The following TENM3 variants were observed in gnomAD, a reference collection of about 807,000 sequenced individuals.
The protein encoded by TENM3 is teneurin-3.
TENM3 carries 63 observed loss-of-function variants against 255.1 expected under a neutral mutation model. The ratio of observed to expected loss-of-function variants is 0.25; its 90% CI spans 0.20 to 0.30. TENM3 has a LOEUF of 0.30. Among genes scored for constraint, TENM3 ranks in the 10% least tolerant of loss-of-function variants. TENM3 has a pLI of 1.00. For missense variants in TENM3, 2,929 were observed against 3,461.1 expected, an observed-to-expected ratio of 0.85 and a Z score of 3.86; for synonymous variants, 1,306 against 1,322.3, an observed-to-expected ratio of 0.99 and a Z score of 0.27.
the TENM3 span, among the ~76,000 whole-genome samples, chr4:181,886,575 A>G: frequency 9.9e-5 from 15 of 152,180 alleles, no homozygotes; most frequent in East Asian, 1.5e-3. Flanking sequence ...TATGTATTCT[A>G]CATATCTGAT....
chr4:181,839,304 CTCTG>C, the TENM3 span, among the ~76,000 whole-genome samples: 1 of 144,446 alleles, frequency 6.9e-6, no homozygotes, highest in African/African-American at 2.5e-5. Flanking sequence ...TATATCTTCT[CTCTG>C]TCTGTATGGG....
intron 13 of TENM3, among the ~76,000 whole-genome samples, 182 bp from the exon 14 acceptor site, chr4:182,728,783 A>G (rs1188207399): frequency 6.6e-6 from 1 of 152,146 alleles, no homozygotes; most frequent in Non-Finnish European, 1.5e-5. Flanking sequence ...ATTATGTGGC[A>G]TGTGACTATT....
chr4:182,025,919 G>A, the TENM3 span, among the ~76,000 whole-genome samples: 1 of 152,054 alleles, frequency 6.6e-6, no homozygotes, highest in African/African-American at 2.4e-5. Flanking sequence ...TCAGTTTGCT[G>A]CACCCATCAA....
intron 2 of TENM3, among the ~76,000 whole-genome samples, chr4:182,328,164 C>T (rs1318151064): frequency 1.3e-5 from 2 of 152,064 alleles, no homozygotes; most frequent in Admixed American, 6.5e-5. Flanking sequence ...TGAAGACTAC[C>T]ACTTATTCTT....
intron 4 of TENM3, among the ~76,000 whole-genome samples, chr4:182,619,269 T>TAC (rs879809393): frequency 0.18 from 27,146 of 151,474 alleles, 2,916 homozygotes; most frequent in Non-Finnish European, 0.24. Flanking sequence ...CTACTAAAAA[T>TAC]AATTAAAAAA....
At chr4:182,161,076 G>A (rs1330502996) in intron 1 of TENM3, among the ~76,000 whole-genome samples, 1 of 151,120 alleles carries the variant, frequency 6.6e-6, no homozygotes, top group Non-Finnish European at 1.5e-5. Context: ...GTCAGGAGTT[G>A]GAGACCAGCC....
At chr4:181,859,160 T>C in the TENM3 span, among the ~76,000 whole-genome samples, 1 of 146,394 alleles carries the variant, frequency 6.8e-6, no homozygotes, top group Non-Finnish European at 1.5e-5. Context: ...GGAGAATCAC[T>C]TGAACCCAGG....
chr4:182,785,514 C>A (rs925895278), intron 24 of TENM3, among the ~76,000 whole-genome samples: 4 of 151,324 alleles, frequency 2.6e-5, no homozygotes, highest in Admixed American at 1.3e-4. Flanking sequence ...TTGAGACCAG[C>A]CAGGGCAACA....
rs1311859025 is a variant in TENM3, at chr4:182,679,592, T to C, written c.1327-74T>C. 7 of 1,164,994 alleles carry C rather than the reference T, an allele frequency of 6.0e-6. No homozygotes were observed. In the South Asian group the frequency reaches 7.1e-5, roughly 12 times the overall value. The allele number at this position is 1,164,994 out of a possible 1,614,324, so 72.2% of individuals were successfully genotyped here. On this transcript the variant is annotated intron_variant, in intron 7 of 27. Coordinates refer to ENST00000511685, the MANE Select transcript of TENM3 (RefSeq NM_001080477.4). ...ATTTGTTAGAGCAAAGGAAGACAGA[T>C]TGAAGAGAAAAAAAAAAAGAGAGAA...
At chr4:181,625,581 G>A in the TENM3 span, among the ~76,000 whole-genome samples, 1 of 152,084 alleles carries the variant, frequency 6.6e-6, no homozygotes, top group Non-Finnish European at 1.5e-5. Flanking sequence ...TGGAGGCCAA[G>A]GCATGCTGAT....
chr4:182,473,993 A>T (rs1174263631), intron 3 of TENM3, among the ~76,000 whole-genome samples: 3 of 152,146 alleles, frequency 2.0e-5, no homozygotes, highest in African/African-American at 4.8e-5. Context: ...ATAAAATTGT[A>T]TTGGAAATGT....
the TENM3 span, among the ~76,000 whole-genome samples, chr4:181,693,464 C>A: frequency 6.6e-6 from 1 of 152,142 alleles, no homozygotes; most frequent in Non-Finnish European, 1.5e-5. Flanking sequence ...GTGCCTGGTG[C>A]ATTGTCATCA....
the TENM3 span, among the ~76,000 whole-genome samples, chr4:182,102,537 T>C: frequency 1.3e-5 from 2 of 152,186 alleles, no homozygotes; most frequent in African/African-American, 4.8e-5. Context: ...TCTCATCTTA[T>C]CAAATGACAA....
chr4:182,694,412 C>T (rs911532851), intron 12 of TENM3, among the ~76,000 whole-genome samples: 1 of 152,064 alleles, frequency 6.6e-6, no homozygotes, highest in Non-Finnish European at 1.5e-5. Flanking sequence ...CCGCACCCAG[C>T]CGAGAGTTGT....
chr4:182,030,677 G>T, the TENM3 span, among the ~76,000 whole-genome samples: 1 of 152,100 alleles, frequency 6.6e-6, no homozygotes, highest in African/African-American at 2.4e-5. Context: ...CACAATGGTT[G>T]AACAAATTTA....
Position 182,753,534 on chromosome 4 carries a change from C to T in TENM3, c.3947C>T (p.Thr1316Ile). The stretch of plus-strand genomic sequence containing the variant: ...GTTGACCAAAATGGAATCATATCAA[C>T]TCTTCTGGGCTCTAACGATTTGACT... ...RKVDQNGIISTLLGSNDLTSA... is the reference protein window; with the variant it reads ...RKVDQNGIISILLGSNDLTSA... Residue 1316 changes from threonine (T) to isoleucine (I), a missense_variant, in exon 21 of 28, where the codon ACT becomes ATT. Coordinates refer to ENST00000511685, the MANE Select transcript of TENM3 (RefSeq NM_001080477.4). 3 of 1,613,912 alleles carry T rather than the reference C, an allele frequency of 1.9e-6. No homozygotes were observed. Among genetic ancestry groups the T allele is most frequent in the East Asian group, 2.2e-5 (1 of 44,870 alleles).
chr4:181,781,677 G>A, the TENM3 span, among the ~76,000 whole-genome samples: 137 of 152,268 alleles, frequency 9.0e-4, 1 homozygote, highest in Admixed American at 2.9e-3. Context: ...TGGTGAGAGA[G>A]GGCATCCCTG....
the TENM3 span, among the ~76,000 whole-genome samples, chr4:181,487,710 G>T: frequency 8.6e-5 from 13 of 152,046 alleles, no homozygotes; most frequent in Admixed American, 8.5e-4. Context: ...AAGCATCTCT[G>T]GATATCTGAC....
intron 1 of TENM3, among the ~76,000 whole-genome samples, chr4:182,294,695 T>G (rs1761351669): frequency 1.3e-5 from 2 of 152,234 alleles, no homozygotes; most frequent in African/African-American, 4.8e-5. Context: ...GCTGCTGTAC[T>G]ACTGACCACG....
Sources: allele counts gnomAD v4.1 joint callset (sites outside exome capture counted in the v4.1 genomes callset), GRCh38; gene constraint gnomAD v4.1.1; transcripts MANE v1.5; gene names NCBI Gene and HGNC (gene_info 2026-07-23, HGNC 2026-07-21).